The following NDST4 variants were observed in gnomAD, a reference collection of about 807,000 sequenced individuals.
The protein encoded by NDST4 is N-deacetylase and N-sulfotransferase 4, also known as N-heparan sulfate sulfotransferase 4.
A neutral mutation model predicts 100.8 loss-of-function variants in NDST4; 63 were observed. The ratio of observed to expected loss-of-function variants is 0.62; its 90% CI spans 0.51 to 0.77. NDST4 has a LOEUF of 0.77. Ranked by LOEUF, NDST4 falls within the 30% of genes least tolerant of loss-of-function variation. The probability of loss-of-function intolerance (pLI) is 0.00; values close to 1 mark genes in which losing one functional copy is unlikely to be tolerated. For synonymous variants in NDST4, 377 were observed against 361.8 expected (o/e 1.04, Z -0.48); for missense variants, 943 against 1,018.4 (o/e 0.93, Z 1.01).
chr4:115,083,609 C>T (rs1283813489), intron 1 of NDST4, among the ~76,000 whole-genome samples: 1 of 152,184 alleles, frequency 6.6e-6, no homozygotes, highest in Non-Finnish European at 1.5e-5. Flanking sequence ...ACCCAAATCT[C>T]ATCTTGAATT....
intron 2 of NDST4, among the ~76,000 whole-genome samples, chr4:115,025,833 G>A (rs999134008): frequency 4.6e-5 from 7 of 152,004 alleles, no homozygotes; most frequent in South Asian, 2.1e-4. Context: ...ATATCTATGC[G>A]GTACGATTTT....
At chr4:114,984,212 G>T (rs1172118760) in intron 2 of NDST4, among the ~76,000 whole-genome samples, 1 of 151,458 alleles carries the variant, frequency 6.6e-6, no homozygotes, top group Admixed American at 6.6e-5. Flanking sequence ...TCTGGCTGAT[G>T]GAGTCACCCA....
At chr4:114,833,522 T>C (rs887841506) in intron 12 of NDST4, 84 bp downstream of exon 12, 5 of 818,578 alleles carry the variant, frequency 6.1e-6, no homozygotes, top group Non-Finnish European at 1.0e-5. Flanking sequence ...CTAGCTAGTA[T>C]TAATGATGTT....
chr4:114,893,152 C>T lies in NDST4; in HGVS notation c.1537-22202G>A, dbSNP rs28583163. ...CTTTATCCAGTATATCATTGATGGGCATTTGGGTTGGTTCCATGTCTTTGC... is the reference window on the plus strand; with the variant it reads ...CTTTATCCAGTATATCATTGATGGGTATTTGGGTTGGTTCCATGTCTTTGC... On this transcript the variant is annotated intron_variant, in intron 6 of 13. Transcript: ENST00000264363. Among the ~76,000 whole-genome samples the T allele has an allele frequency of 5.3e-3, 799 of 152,158 alleles. 10 individuals are homozygous for T. The highest frequency in any genetic ancestry group is 0.018 in the African/African-American group (753 of 41,502).
intron 11 of NDST4, among the ~76,000 whole-genome samples, chr4:114,834,556 A>G (rs1200991378): frequency 2.6e-5 from 4 of 151,628 alleles, no homozygotes. Flanking sequence ...AAAAAGGTCA[A>G]TGGTAAGGCC....
At chr4:115,029,121 T>C (rs1332404480) in intron 2 of NDST4, among the ~76,000 whole-genome samples, 1 of 152,058 alleles carries the variant, frequency 6.6e-6, no homozygotes, top group East Asian at 1.9e-4. Flanking sequence ...TATGTCATTA[T>C]CACACTTTCA....
At chr4:115,052,334 A>G (rs1728599955) in intron 2 of NDST4, among the ~76,000 whole-genome samples, 1 of 152,166 alleles carries the variant, frequency 6.6e-6, no homozygotes, top group South Asian at 2.1e-4. Flanking sequence ...TTCAGAAGAT[A>G]CATAATGAAA....
In NDST4 at chr4:114,920,637, G is replaced by A. The variant is rs573420235; in HGVS notation, c.1536+14569C>T. On this transcript the variant is annotated intron_variant, in intron 6 of 13. Coordinates refer to ENST00000264363, the MANE Select transcript of NDST4 (RefSeq NM_022569.3). ...AGGTGGTAATTTCCATACAGTGCTA[G>A]AGGAGGCTAGCAGTCATCATGAACT... Among the ~76,000 whole-genome samples, 26 of 152,252 alleles carry A rather than the reference G, an allele frequency of 1.7e-4. No homozygotes were observed. In the South Asian group the frequency reaches 5.4e-3, roughly 32 times the overall value.
rs1215333204 is a variant in NDST4 at position 114,852,727 on chromosome 4, G to GT, written c.1813dup (p.Thr605AsnfsTer22). 6.3e-6 allele frequency: 10 copies of GT among 1,593,394 alleles called. No homozygotes were observed. The highest frequency in any genetic ancestry group is 3.4e-5 in the Admixed American group (2 of 59,670). On this transcript the variant is annotated frameshift_variant, in exon 8 of 14. Transcript: ENST00000264363. LOFTEE classifies it high-confidence loss of function. ...GTAGCACAATTGGCTATTTTTACCTGTTTTTTGTGGACCAATTACTAGAAA... is the reference window on the plus strand; with the variant it reads ...GTAGCACAATTGGCTATTTTTACCTGTTTTTTTGTGGACCAATTACTAGAAA...
chr4:114,957,364 T>G (rs1726163105), intron 4 of NDST4, among the ~76,000 whole-genome samples: 1 of 152,154 alleles, frequency 6.6e-6, no homozygotes, highest in Non-Finnish European at 1.5e-5. Context: ...GATCTCCCCT[T>G]TATTAAATCA....
intron 6 of NDST4, among the ~76,000 whole-genome samples, chr4:114,888,072 C>T (rs1724516662): frequency 6.6e-6 from 1 of 151,964 alleles, no homozygotes. Context: ...GGTGTGGTGG[C>T]ACAGGCCTGC....
intron 7 of NDST4, among the ~76,000 whole-genome samples, chr4:114,855,970 T>C (rs538182929): frequency 6.6e-6 from 1 of 152,318 alleles, no homozygotes; most frequent in South Asian, 2.1e-4. Context: ...AGTTAATAAA[T>C]GTGAAAGTGT....
intron 6 of NDST4, among the ~76,000 whole-genome samples, chr4:114,932,776 A>G (rs1725542192): frequency 6.6e-6 from 1 of 152,044 alleles, no homozygotes; most frequent in South Asian, 2.1e-4. Context: ...TAACCAAGGA[A>G]GTTAAATACC....
In NDST4 at chr4:114,866,060, C is replaced by A. The variant is rs553318940; in HGVS notation, c.1719+4708G>T. Reference sequence around the variant, plus strand: ...TCTCTCATCTGTGATATGATAAAAACTATACTGACTTAATTTCACTGAAAA... The same window carrying A: ...TCTCTCATCTGTGATATGATAAAAAATATACTGACTTAATTTCACTGAAAA... On this transcript the variant is annotated intron_variant, in intron 7 of 13. Coordinates refer to ENST00000264363, the MANE Select transcript of NDST4 (RefSeq NM_022569.3). Among the ~76,000 whole-genome samples the A allele has an allele frequency of 3.5e-3, 539 of 152,224 alleles. 3 individuals carry two copies. Among genetic ancestry groups the A allele is most frequent in the African/African-American group, 0.013 (523 of 41,544 alleles).
intron 2 of NDST4, among the ~76,000 whole-genome samples, chr4:115,066,461 T>C (rs1318200599): frequency 6.6e-6 from 1 of 152,166 alleles, no homozygotes; most frequent in African/African-American, 2.4e-5. Flanking sequence ...AAATTATGAT[T>C]AACTGTATCC....
At position 114,864,741 on chromosome 4, in the gene NDST4, C is replaced by A. The variant is rs1308373585; in HGVS notation, c.1719+6027G>T. 2.6e-5 allele frequency among the ~76,000 whole-genome samples: 4 copies of A among 152,260 alleles called. No individual in the cohort carries two copies. In the South Asian group the frequency reaches 8.3e-4, roughly 32 times the overall value. ...CATAATAAATGCACTCACTACAGAA[C>A]TCCTGTAGCACTTAATAGACTGATT... On this transcript the variant is annotated intron_variant, in intron 7 of 13. Transcript: ENST00000264363.
chr4:114,999,912 A>C (rs188984393), intron 2 of NDST4, among the ~76,000 whole-genome samples: 1 of 151,962 alleles, frequency 6.6e-6, no homozygotes, highest in Non-Finnish European at 1.5e-5. Flanking sequence ...AAGGACCTAT[A>C]CTTATCAAAA....
Position 115,076,429 on chromosome 4 carries a change from TG to T in NDST4, c.607del (p.His203IlefsTer33), listed in dbSNP as rs1399715733. On this transcript the variant is annotated frameshift_variant, in exon 2 of 14. Coordinates refer to ENST00000264363, the MANE Select transcript of NDST4 (RefSeq NM_022569.3). LOFTEE classifies it high-confidence loss of function. ...CFVNPQSPLL[H>X]ITKAPKVEKG... ...CTCAACCTTGGGGGCTTTGGTAATATGCAGCAAAGGAGATTGAGGGTTAACA... is the reference window on the plus strand; with the variant it reads ...CTCAACCTTGGGGGCTTTGGTAATATCAGCAAAGGAGATTGAGGGTTAACA... 6.2e-7 allele frequency: 1 copy of T among 1,613,858 alleles called. No individual in the cohort carries two copies. The highest frequency in any genetic ancestry group is 8.5e-7 in the Non-Finnish European group (1 of 1,179,964).
At chr4:114,984,042 G>T (rs1726841560) in intron 2 of NDST4, among the ~76,000 whole-genome samples, 1 of 152,010 alleles carries the variant, frequency 6.6e-6, no homozygotes. Context: ...AGTTTCATGA[G>T]GTCTTCCCAG....
Sources: allele counts gnomAD v4.1 joint callset (sites outside exome capture counted in the v4.1 genomes callset), GRCh38; gene constraint gnomAD v4.1.1; transcripts MANE v1.5; gene names NCBI Gene and HGNC (gene_info 2026-07-23, HGNC 2026-07-21).